DAB1: variants seen among roughly 807,000 people sequenced by gnomAD.
DAB1 encodes DAB adaptor protein 1.
DAB1 carries 15 observed loss-of-function variants against 64.6 expected under a neutral mutation model. The observed-to-expected ratio is 0.23, with a 90% CI of 0.16 to 0.36. The LOEUF (loss-of-function observed/expected upper bound fraction) is 0.36, where lower values mean the gene tolerates loss of function less well. Among genes scored for constraint, DAB1 ranks in the 10% least tolerant of loss-of-function variants. DAB1 has a pLI of 1.00. For synonymous variants in DAB1, 235 were observed against 251.9 expected (o/e 0.93, Z 0.64); for missense variants, 596 against 706.7 (o/e 0.84, Z 1.78).
chr1:57,224,995 C>A (rs1604885), intron 2 of DAB1, among the ~76,000 whole-genome samples: 11,100 of 152,274 alleles, frequency 0.073, 1,350 homozygotes, highest in African/African-American at 0.25. Context: ...CAATGAGGTT[C>A]CAGGAGCTTC....
At chr1:57,707,510 G>A (rs757896025) in intron 6 of DAB1, among the ~76,000 whole-genome samples, 2 of 152,008 alleles carry the variant, frequency 1.3e-5, no homozygotes, top group Non-Finnish European at 2.9e-5. Flanking sequence ...TTTGTGAATC[G>A]AGGTTTTCAT....
chr1:58,042,040 A>C (rs1028450518), intron 5 of DAB1, among the ~76,000 whole-genome samples: 1 of 152,232 alleles, frequency 6.6e-6, no homozygotes, highest in African/African-American at 2.4e-5. Context: ...GTCTCTGGCC[A>C]GGTCAGCTCC....
intron 3 of DAB1, among the ~76,000 whole-genome samples, chr1:58,450,170 A>G (rs955252946): frequency 9.8e-5 from 15 of 152,334 alleles, no homozygotes; most frequent in African/African-American, 3.6e-4. Context: ...CAGCTATCTA[A>G]GGACTCTGAA....
chr1:57,857,723 C>T (rs1453454584), intron 1 of DAB1, among the ~76,000 whole-genome samples: 1 of 151,734 alleles, frequency 6.6e-6, no homozygotes, highest in East Asian at 1.9e-4. Context: ...GCATCAGGTA[C>T]TATGTTAGAG....
intron 5 of DAB1, among the ~76,000 whole-genome samples, chr1:58,080,486 T>C (rs1204586092): frequency 1.3e-5 from 2 of 152,242 alleles, no homozygotes; most frequent in Non-Finnish European, 2.9e-5. Context: ...ACAGACGTCC[T>C]AAAAGCAGCA....
intron 3 of DAB1, among the ~76,000 whole-genome samples, chr1:58,488,183 A>G (rs927954082): frequency 1.3e-5 from 2 of 152,174 alleles, no homozygotes; most frequent in African/African-American, 4.8e-5. Context: ...ATTACAAGCC[A>G]TCCTCTTATT....
chr1:58,526,189 C>T (rs1646347207), intron 2 of DAB1, among the ~76,000 whole-genome samples: 1 of 152,022 alleles, frequency 6.6e-6, no homozygotes, highest in Non-Finnish European at 1.5e-5. Context: ...CTTAATACAG[C>T]CAATCTGTGG....
intron 9 of DAB1, among the ~76,000 whole-genome samples, chr1:57,047,640 C>T (rs1344399841): frequency 6.6e-6 from 1 of 152,152 alleles, no homozygotes; most frequent in African/African-American, 2.4e-5. Context: ...TCACAGGCTC[C>T]ATAACTCGGG....
At chr1:58,180,689 G>C (rs1656745001) in intron 4 of DAB1, among the ~76,000 whole-genome samples, 1 of 152,010 alleles carries the variant, frequency 6.6e-6, no homozygotes, top group Admixed American at 6.6e-5. Context: ...TTTCATTCTT[G>C]TTCAGTATAT....
chr1:58,450,492 C>T (rs920645166), intron 3 of DAB1, among the ~76,000 whole-genome samples: 5 of 152,160 alleles, frequency 3.3e-5, no homozygotes, highest in East Asian at 1.9e-4. Flanking sequence ...AGTTGGCTCA[C>T]GTCTGTAATC....
intron 7 of DAB1, among the ~76,000 whole-genome samples, chr1:57,530,508 G>A (rs1644650007): frequency 6.6e-6 from 1 of 152,068 alleles, no homozygotes. Context: ...TTTACTACAT[G>A]ATCTAATATA....
At chr1:57,773,100 A>G (rs1308216847) in intron 6 of DAB1, among the ~76,000 whole-genome samples, 3 of 152,066 alleles carry the variant, frequency 2.0e-5, no homozygotes, top group Admixed American at 6.6e-5. Flanking sequence ...TCAGGACCAT[A>G]GCCCTACTGA....
intron 7 of DAB1, among the ~76,000 whole-genome samples, chr1:57,530,622 G>A (rs376339404): frequency 1.3e-4 from 19 of 151,858 alleles, no homozygotes; most frequent in African/African-American, 4.3e-4. Flanking sequence ...AATATTACTT[G>A]GGGAACCAAG....
chr1:57,750,453 G>A (rs555922406), intron 6 of DAB1, among the ~76,000 whole-genome samples: 8 of 152,156 alleles, frequency 5.3e-5, no homozygotes, highest in African/African-American at 1.4e-4. Context: ...AGTGGCCCTC[G>A]GTTAGTCAGT....
chr1:57,401,077 A>G (rs901063589), intron 1 of DAB1, among the ~76,000 whole-genome samples: 1 of 152,128 alleles, frequency 6.6e-6, no homozygotes, highest in African/African-American at 2.4e-5. Context: ...CGGTCCTACC[A>G]TAAGGTGCTA....
chr1:57,146,703 G>A (rs530482892), intron 2 of DAB1, among the ~76,000 whole-genome samples: 40 of 152,172 alleles, frequency 2.6e-4, no homozygotes, highest in Non-Finnish European at 4.3e-4. Flanking sequence ...CCTCTGTACC[G>A]GTGCTATTAT....
intron 4 of DAB1, among the ~76,000 whole-genome samples, chr1:58,170,198 A>T (rs1056959711): frequency 6.6e-5 from 10 of 152,328 alleles, no homozygotes; most frequent in African/African-American, 2.4e-4. Flanking sequence ...CTCGACTCAG[A>T]TCATGGGGAC....
chr1:58,038,637 G>A (rs1647084963), intron 5 of DAB1, among the ~76,000 whole-genome samples: 1 of 152,020 alleles, frequency 6.6e-6, no homozygotes, highest in Non-Finnish European at 1.5e-5. Flanking sequence ...GCCCTGATGG[G>A]GTGTTATTGG....
chr1:57,130,621 T>C (rs1657572085), intron 4 of DAB1, among the ~76,000 whole-genome samples: 1 of 151,124 alleles, frequency 6.6e-6, no homozygotes, highest in Admixed American at 6.7e-5. Flanking sequence ...TGGACGAGCC[T>C]GGGGGATATT....
Sources: allele counts gnomAD v4.1 joint callset (sites outside exome capture counted in the v4.1 genomes callset), GRCh38; gene constraint gnomAD v4.1.1; transcripts MANE v1.5; gene names NCBI Gene and HGNC (gene_info 2026-07-23, HGNC 2026-07-21).